EEF1AKMT4: variants seen among roughly 807,000 people sequenced by gnomAD.
The protein encoded by EEF1AKMT4 is eukaryotic translation elongation factor 1 alpha lysine specific methyltransferase 4.
Under a neutral mutation model 23.0 loss-of-function variants are expected in EEF1AKMT4, and 17 were observed. The ratio of observed to expected loss-of-function variants is 0.74; its 90% CI spans 0.51 to 1.11. EEF1AKMT4 has a LOEUF of 1.11. EEF1AKMT4 is among the 50% of genes least tolerant of loss of function. The probability of loss-of-function intolerance (pLI) is 0.00; values close to 1 mark genes in which losing one functional copy is unlikely to be tolerated. For missense variants in EEF1AKMT4, 318 were observed against 333.4 expected, an observed-to-expected ratio of 0.95 and a Z score of 0.36; for synonymous variants, 140 against 141.4, an observed-to-expected ratio of 0.99 and a Z score of 0.07.
intron 1 of EEF1AKMT4, among the ~76,000 whole-genome samples, chr3:184,251,656 G>A (rs1451974575): frequency 6.6e-6 from 1 of 152,166 alleles, no homozygotes; most frequent in Non-Finnish European, 1.5e-5. Flanking sequence ...GAGCTGTGAT[G>A]GCTCCAATGG....
Position 184,256,272 on chromosome 3 carries a change from C to CAAA in EEF1AKMT4, c.197-1185_197-1183dup, listed in dbSNP as rs59087969. 3.8e-3 allele frequency among the ~76,000 whole-genome samples: 204 copies of CAAA among 54,188 alleles called. 3 individuals are homozygous for CAAA. The highest frequency in any genetic ancestry group is 0.012 in the African/African-American group (187 of 15,122). The allele number at this position is 54,188 out of a possible 152,430, so 35.5% of individuals were successfully genotyped here. On this transcript the variant is annotated intron_variant, in intron 1 of 2. Transcript: ENST00000324557. The stretch of plus-strand genomic sequence containing the variant: ...GGGCAACAAGAGTGAAACTCCATCT[C>CAAA]AAAAAAAAAAAAAAAAAAGAAAAGA...
At chr3:184,254,479 C>T (rs1443646897) in intron 1 of EEF1AKMT4, among the ~76,000 whole-genome samples, 2 of 148,736 alleles carry the variant, frequency 1.3e-5, no homozygotes, top group Non-Finnish European at 3.0e-5. Context: ...CGGAGGCGGG[C>T]AGATCACAAG....
chr3:184,250,345 T>A (rs1294536557), intron 1 of EEF1AKMT4, among the ~76,000 whole-genome samples: 1 of 152,252 alleles, frequency 6.6e-6, no homozygotes, highest in African/African-American at 2.4e-5. Context: ...CCAGCGCTTT[T>A]CTTTTTGCCC....
rs1312407930 is a variant in EEF1AKMT4 at position 184,258,625 on chromosome 3, C to T, written c.*50C>T. On this transcript the variant is annotated 3_prime_UTR_variant, in exon 3 of 3. Coordinates refer to ENST00000324557, the MANE Select transcript of EEF1AKMT4 (RefSeq NM_032331.4). ...TCCTGCCATTCTGCCCTGGGCTCCTCAGGTAGTTGGAATTCCTGACTTAGG... is the reference window on the plus strand; with the variant it reads ...TCCTGCCATTCTGCCCTGGGCTCCTTAGGTAGTTGGAATTCCTGACTTAGG... 2 of 1,516,910 alleles carry T rather than the reference C, an allele frequency of 1.3e-6. No homozygotes were observed. The highest frequency in any genetic ancestry group is 2.7e-5 in the South Asian group (2 of 75,084). 94.0% of individuals were successfully genotyped at this position (1,516,910 alleles called of 1,614,324 possible).
chr3:184,258,262 C>T lies in EEF1AKMT4; in HGVS notation c.481-26C>T, dbSNP rs375140255. 1.9e-6 allele frequency: 3 copies of T among 1,588,150 alleles called. No individual in the cohort carries two copies. In the African/African-American group the frequency reaches 4.0e-5, roughly 21 times the overall value. On this transcript the variant is annotated intron_variant, in intron 2 of 2. Coordinates refer to ENST00000324557, the MANE Select transcript of EEF1AKMT4 (RefSeq NM_032331.4). ...GAGAACCTGAAGATCCACTTCTCACCAATGGCTTCTCTGTCTGCCTTGCAG... is the reference window on the plus strand; with the variant it reads ...GAGAACCTGAAGATCCACTTCTCACTAATGGCTTCTCTGTCTGCCTTGCAG...
Position 184,249,834 on chromosome 3 carries a change from C to T in EEF1AKMT4, c.140C>T (p.Ser47Phe), listed in dbSNP as rs1272679401. 1.2e-6 allele frequency: 2 copies of T among 1,613,256 alleles called. No homozygotes were observed. Among genetic ancestry groups the T allele is most frequent in the Admixed American group, 1.7e-5 (1 of 60,034 alleles). Residue 47 changes from serine (S) to phenylalanine (F), a missense_variant, in exon 1 of 3, where the codon TCC becomes TTC. Physicochemically the swap from Ser to Phe is radical, Grantham distance 155 (BLOSUM62 -2). Transcript: ENST00000324557. ...APYDWFGDFS[S>F]FRALLEPELR... Reference sequence around the variant, plus strand: ...TACGATTGGTTCGGGGACTTCTCCTCCTTCCGTGCCCTCCTAGAGCCGGAG... The same window carrying T: ...TACGATTGGTTCGGGGACTTCTCCTTCTTCCGTGCCCTCCTAGAGCCGGAG...
At chr3:184,257,887 G>A in intron 2 of EEF1AKMT4, 131 bp downstream of exon 2, 1 of 1,164,464 alleles carries the variant, frequency 8.6e-7, no homozygotes, top group Non-Finnish European at 1.2e-6. Flanking sequence ...CAGGAGTGTG[G>A]CTCTCTGAAG....
Position 184,258,306 on chromosome 3 carries a change from C to T in EEF1AKMT4, c.499C>T (p.Pro167Ser). The change falls in exon 3 of 3, where the codon CCT (proline) becomes TCT (serine). Residue 167 changes from proline (P) to serine (S), a missense_variant. Transcript: ENST00000324557. ...CTTGCAGGTGAGCCGCGTGCTTGTC[C>T]CTGGAGGCCGGTTTATCTCAATGAC... ...VLSEVSRVLV[P>S]GGRFISMTSA... The T allele has an allele frequency of 2.5e-6, 4 of 1,612,056 alleles. No individual in the cohort carries two copies. The highest frequency in any genetic ancestry group is 3.4e-6 in the Non-Finnish European group (4 of 1,178,780).
intron 1 of EEF1AKMT4, 55 bp downstream of exon 1, chr3:184,249,945 T>A (rs1719449507): frequency 6.3e-7 from 1 of 1,577,436 alleles, no homozygotes; most frequent in African/African-American, 1.3e-5. Context: ...CGGCGCCGCA[T>A]GGGCTTGGCC....
chr3:184,258,561 G>C lies in EEF1AKMT4; in HGVS notation c.754G>C (p.Ala252Pro), dbSNP rs771417729. 1 of 1,590,388 alleles carries C rather than the reference G, an allele frequency of 6.3e-7. No individual in the cohort carries two copies. The highest frequency in any genetic ancestry group is 2.2e-5 in the East Asian group (1 of 44,722). Residue 252 changes from alanine (A) to proline (P), a missense_variant, in exon 3 of 3, where the codon GCC becomes CCC. Transcript: ENST00000324557. Reference protein sequence around the residue: ...QDSDHEDFLSAIQL With the variant: ...QDSDHEDFLSPIQL ...CTCAGATCATGAGGACTTCCTTAGT[G>C]CCATTCAGCTCTGAGGCCAGAGCAT...
At chr3:184,251,949 G>A (rs1277141516) in intron 1 of EEF1AKMT4, among the ~76,000 whole-genome samples, 1 of 152,184 alleles carries the variant, frequency 6.6e-6, no homozygotes, top group African/African-American at 2.4e-5. Flanking sequence ...TATATTCAAG[G>A]TTCTCTGTGT....
At chr3:184,257,082 C>T (rs182100989) in intron 1 of EEF1AKMT4, among the ~76,000 whole-genome samples, 2 of 151,600 alleles carry the variant, frequency 1.3e-5, no homozygotes, top group Non-Finnish European at 2.9e-5. Flanking sequence ...TGGTGGCACG[C>T]GCCTGTAATC....
intron 1 of EEF1AKMT4, among the ~76,000 whole-genome samples, chr3:184,252,497 A>G (rs1461892731): frequency 2.0e-5 from 3 of 152,202 alleles, no homozygotes; most frequent in African/African-American, 7.2e-5. Context: ...ACAAGTCAAA[A>G]GTACTAAGAG....
intron 1 of EEF1AKMT4, among the ~76,000 whole-genome samples, chr3:184,257,077 G>A (rs1157695931): frequency 1.3e-5 from 2 of 150,364 alleles, no homozygotes; most frequent in Non-Finnish European, 3.0e-5. Flanking sequence ...AGGCGTGGTG[G>A]CACGCGCCTG....
chr3:184,257,680 C>A lies in EEF1AKMT4; in HGVS notation c.404C>A (p.Ala135Asp). Residue 135 changes from alanine to aspartate, a missense_variant, in exon 2 of 3, where the codon GCC becomes GAC. Physicochemically the swap from Ala to Asp is moderately radical, Grantham distance 126. Transcript: ENST00000324557. ...DVVLEKGTLD[A>D]LLAGERDPWT... is the part of the protein sequence containing the mutation. ...GTGCTCGAGAAGGGCACGCTGGATGCCCTGCTGGCTGGGGAACGAGATCCC... is the reference window on the plus strand; with the variant it reads ...GTGCTCGAGAAGGGCACGCTGGATGACCTGCTGGCTGGGGAACGAGATCCC... The A allele has an allele frequency of 6.2e-7, 1 of 1,614,152 alleles. No homozygotes were observed. The highest frequency in any genetic ancestry group is 8.5e-7 in the Non-Finnish European group (1 of 1,180,048).
chr3:184,256,858 T>C (rs1392462543), intron 1 of EEF1AKMT4, among the ~76,000 whole-genome samples: 1 of 151,656 alleles, frequency 6.6e-6, no homozygotes, highest in Non-Finnish European at 1.5e-5. Context: ...TTAGTAGAGA[T>C]GGGGTTTCTC....
Position 184,249,809 on chromosome 3 carries a change from T to A in EEF1AKMT4, c.115T>A (p.Tyr39Asn). 1.2e-6 allele frequency: 2 copies of A among 1,613,372 alleles called. No individual in the cohort carries two copies. The highest frequency in any genetic ancestry group is 1.7e-6 in the Non-Finnish European group (2 of 1,179,990). ...CCAAGGCGCAGCCGATTCTGCCCCC[T>A]ACGATTGGTTCGGGGACTTCTCCTC... ...RYQGAADSAPYDWFGDFSSFR... is the reference protein window; with the variant it reads ...RYQGAADSAPNDWFGDFSSFR... Residue 39 changes from tyrosine (Y) to asparagine (N), a missense_variant, in exon 1 of 3, where the codon TAC (tyrosine) becomes AAC (asparagine). Coordinates refer to ENST00000324557, the MANE Select transcript of EEF1AKMT4 (RefSeq NM_032331.4).
chr3:184,251,340 C>G (rs1335530718), intron 1 of EEF1AKMT4, among the ~76,000 whole-genome samples: 2 of 152,008 alleles, frequency 1.3e-5, no homozygotes, highest in Non-Finnish European at 2.9e-5. Flanking sequence ...CAAGACAAGC[C>G]TGGCCAACAT....
intron 1 of EEF1AKMT4, among the ~76,000 whole-genome samples, chr3:184,253,971 A>G (rs959812853): frequency 6.6e-6 from 1 of 152,276 alleles, no homozygotes; most frequent in Admixed American, 6.5e-5. Flanking sequence ...TGCCCAGCCA[A>G]TAGTATCCTT....
Sources: gnomAD v4.1 joint callset for allele counts (sites outside exome capture counted in the v4.1 genomes callset) on GRCh38, gnomAD v4.1.1 for gene constraint, MANE v1.5 for transcripts, NCBI Gene and HGNC (gene_info 2026-07-23, HGNC 2026-07-21) for gene names.